Variants in CRACDL observed in about 807,000 individuals in gnomAD.
CRACDL encodes the protein CRACD-like protein.
In CRACDL, 26 loss-of-function variants were observed where a neutral mutation model predicts 70.6. That is an observed-to-expected ratio of 0.37 (90% CI 0.27 to 0.51). The LOEUF is 0.51. Ranked by LOEUF, CRACDL falls within the 20% of genes least tolerant of loss-of-function variation. The pLI is 0.94. For missense variants in CRACDL, 1,283 were observed against 1,376.9 expected, an observed-to-expected ratio of 0.93 and a Z score of 1.08; for synonymous variants, 618 against 615.2, an observed-to-expected ratio of 1.00 and a Z score of -0.07.
chr2:98,829,058 A>C (rs558403675), intron 5 of CRACDL, among the ~76,000 whole-genome samples: 1 of 152,290 alleles, frequency 6.6e-6, no homozygotes, highest in Non-Finnish European at 1.5e-5. Context: ...CCTAGGACTC[A>C]TGAGAATAGA....
chr2:98,879,662 C>T (rs1306852170), intron 1 of CRACDL, among the ~76,000 whole-genome samples: 1 of 152,204 alleles, frequency 6.6e-6, no homozygotes, highest in Non-Finnish European at 1.5e-5. Context: ...AATTCTCCTG[C>T]CTCAGCCTCC....
chr2:98,855,877 A>C (rs1202625919), intron 1 of CRACDL, among the ~76,000 whole-genome samples: 15 of 152,210 alleles, frequency 9.9e-5, no homozygotes, highest in Non-Finnish European at 2.2e-4. Flanking sequence ...GCTCAACAGG[A>C]GATTCGAGTT....
intron 7 of CRACDL, among the ~76,000 whole-genome samples, chr2:98,816,335 T>C (rs1013264946): frequency 3.9e-5 from 6 of 152,178 alleles, no homozygotes; most frequent in African/African-American, 1.4e-4. Context: ...AGCAAGTCCC[T>C]TTTTATGTCA....
At chr2:98,808,424 A>C (rs1704412205) in intron 7 of CRACDL, among the ~76,000 whole-genome samples, 1 of 152,128 alleles carries the variant, frequency 6.6e-6, no homozygotes, top group Non-Finnish European at 1.5e-5. Context: ...ACTGATCTTG[A>C]TGCTGCTCTG....
chr2:98,929,336 C>T (rs1015220549), intron 1 of CRACDL, among the ~76,000 whole-genome samples: 2 of 152,196 alleles, frequency 1.3e-5, no homozygotes, highest in African/African-American at 4.8e-5. Context: ...CCTGGTGTGG[C>T]CCCTGTGCCC....
intron 2 of CRACDL, among the ~76,000 whole-genome samples, chr2:98,842,434 A>G (rs2104526052): frequency 6.6e-6 from 1 of 151,084 alleles, no homozygotes; most frequent in South Asian, 2.2e-4. Context: ...AATCCGCTAT[A>G]CCTTGTAAAA....
chr2:98,918,706 C>G (rs1260746293), intron 1 of CRACDL, among the ~76,000 whole-genome samples: 1 of 152,006 alleles, frequency 6.6e-6, no homozygotes, highest in African/African-American at 2.4e-5. Context: ...AGCATTTTTT[C>G]ATATGCTTGT....
intron 7 of CRACDL, 84 bp downstream of exon 7, chr2:98,821,773 A>G: frequency 6.7e-7 from 1 of 1,499,800 alleles, no homozygotes; most frequent in African/African-American, 1.4e-5. Context: ...TACCAGGAGC[A>G]TTTGGCGAGT....
chr2:98,826,895 G>T, intron 6 of CRACDL, 80 bp downstream of exon 6: 1 of 1,031,094 alleles, frequency 9.7e-7, no homozygotes. Context: ...GTGTGGGGGA[G>T]TGAGGCAGGT....
chr2:98,918,358 C>T (rs1199532762), intron 1 of CRACDL, among the ~76,000 whole-genome samples: 1 of 151,880 alleles, frequency 6.6e-6, no homozygotes, highest in African/African-American at 2.4e-5. Flanking sequence ...CATGACAAAA[C>T]CCTGACTCTA....
chr2:98,885,074 G>A (rs1336128021), intron 1 of CRACDL, among the ~76,000 whole-genome samples: 1 of 152,192 alleles, frequency 6.6e-6, no homozygotes, highest in East Asian at 1.9e-4. Context: ...GTGTAGGAGT[G>A]TGGAAGGGTG....
At chr2:98,800,700 T>C (rs1231131035) in intron 7 of CRACDL, among the ~76,000 whole-genome samples, 1 of 152,224 alleles carries the variant, frequency 6.6e-6, no homozygotes, top group Non-Finnish European at 1.5e-5. Context: ...ACTAGACATG[T>C]TTGCTAGCTG....
intron 7 of CRACDL, among the ~76,000 whole-genome samples, chr2:98,802,081 C>T (rs192866396): frequency 1.7e-3 from 259 of 152,348 alleles, no homozygotes; most frequent in African/African-American, 5.8e-3. Flanking sequence ...AGAACATCGT[C>T]CACGGGTTCC....
chr2:98,868,006 C>G (rs572543893), intron 1 of CRACDL, among the ~76,000 whole-genome samples: 1 of 152,246 alleles, frequency 6.6e-6, no homozygotes, highest in South Asian at 2.1e-4. Context: ...AAGCCTATTA[C>G]CAAGACATAA....
At position 98,822,361 on chromosome 2, in the gene CRACDL, G is replaced by T; in HGVS notation, c.1912C>A (p.Gln638Lys). 6.8e-7 allele frequency: 1 copy of T among 1,471,128 alleles called. No individual in the cohort carries two copies. The highest frequency in any genetic ancestry group is 1.5e-5 in the African/African-American group (1 of 67,642). The allele number at this position is 1,471,128 out of a possible 1,614,324, so 91.1% of individuals were successfully genotyped here. Residue 638 changes from glutamine to lysine, a missense_variant, in exon 7 of 10, where the codon CAG (glutamine) becomes AAG (lysine). This residue lies in a region of CRACDL where 921 missense variants were observed against 881.9 expected (regional missense o/e 1.04). Coordinates refer to ENST00000397899, the MANE Select transcript of CRACDL (RefSeq NM_207362.3). This position sits in a 1 kb window ranked among gnomAD's most constrained non-coding sequence, Gnocchi z 4.9. ...GPRKLAERGPQDSGDRAASPA... is the reference protein window; with the variant it reads ...GPRKLAERGPKDSGDRAASPA... ...CTGGCCGCCCTGTCCCCCGAGTCCT[G>T]AGGGCCGCGCTCCGCCAGCTTCCGA...
chr2:98,920,852 T>G (rs1558640473), intron 1 of CRACDL, among the ~76,000 whole-genome samples: 2 of 152,142 alleles, frequency 1.3e-5, no homozygotes, highest in African/African-American at 2.4e-5. Context: ...CTGCCTCATA[T>G]CCAGTGCTGT....
chr2:98,894,510 G>A (rs374019678), intron 1 of CRACDL, among the ~76,000 whole-genome samples: 3 of 152,186 alleles, frequency 2.0e-5, no homozygotes, highest in African/African-American at 4.8e-5. Context: ...GGTGCGGGGC[G>A]GGCCCTCCTG....
intron 3 of CRACDL, among the ~76,000 whole-genome samples, chr2:98,833,253 A>G (rs577173726): frequency 6.6e-6 from 1 of 152,364 alleles, no homozygotes; most frequent in Admixed American, 6.5e-5. Context: ...TATTAATGAA[A>G]AAACCAAGGT....
At chr2:98,798,148 C>A (rs6753465) in intron 7 of CRACDL, among the ~76,000 whole-genome samples, 15 of 151,922 alleles carry the variant, frequency 9.9e-5, no homozygotes, top group Non-Finnish European at 1.9e-4. Flanking sequence ...AGTTCGAGAC[C>A]AACTTGGTCA....
Sources: gnomAD v4.1 joint callset for allele counts (sites outside exome capture counted in the v4.1 genomes callset) on GRCh38, gnomAD v4.1.1 for gene constraint, gnomAD v4.1.1 regional missense constraint, Gnocchi (gnomAD v3.1) non-coding constraint, MANE v1.5 for transcripts, NCBI Gene and HGNC (gene_info 2026-07-23, HGNC 2026-07-21) for gene names.